The following MPPED2 variants were observed in gnomAD, a reference collection of about 807,000 sequenced individuals.
The protein encoded by MPPED2 is metallophosphoesterase domain containing 2.
A neutral mutation model predicts 33.0 loss-of-function variants in MPPED2; 5 were observed. That is an observed-to-expected ratio of 0.15 (90% CI 0.08 to 0.32). The LOEUF (loss-of-function observed/expected upper bound fraction) is 0.32, where lower values mean the gene tolerates loss of function less well. Among genes scored for constraint, MPPED2 ranks in the 10% least tolerant of loss-of-function variants. The probability of loss-of-function intolerance (pLI) is 1.00; values close to 1 mark genes in which losing one functional copy is unlikely to be tolerated. For missense variants in MPPED2, 275 were observed against 372.1 expected, an observed-to-expected ratio of 0.74 and a Z score of 2.15; for synonymous variants, 136 against 141.9, an observed-to-expected ratio of 0.96 and a Z score of 0.29.
At chr11:30,397,519 T>C (rs1947853404) in intron 6 of MPPED2, among the ~76,000 whole-genome samples, 1 of 152,154 alleles carries the variant, frequency 6.6e-6, no homozygotes, top group Non-Finnish European at 1.5e-5. Flanking sequence ...CTGCTCTAAG[T>C]TCATCGGATT....
chr11:30,580,799 G>C (rs1314685846), intron 1 of MPPED2, among the ~76,000 whole-genome samples: 4 of 152,150 alleles, frequency 2.6e-5, no homozygotes, highest in Non-Finnish European at 5.9e-5. Context: ...CGTTGCCATG[G>C]CATCTGGCTA....
At chr11:30,401,567 C>G (rs969105500) in intron 6 of MPPED2, among the ~76,000 whole-genome samples, 2 of 152,216 alleles carry the variant, frequency 1.3e-5, no homozygotes, top group African/African-American at 2.4e-5. Context: ...TTACCTTTCT[C>G]TGGGTAGCAG....
intron 1 of MPPED2, among the ~76,000 whole-genome samples, chr11:30,585,841 G>A (rs2058555622): frequency 1.3e-5 from 2 of 152,198 alleles, no homozygotes; most frequent in South Asian, 4.1e-4. Flanking sequence ...GGAGGCGCCC[G>A]CTCGTGCGGA....
chr11:30,578,543 C>T (rs1049687382), intron 2 of MPPED2, among the ~76,000 whole-genome samples: 6 of 152,140 alleles, frequency 3.9e-5, no homozygotes, highest in South Asian at 2.1e-4. Context: ...ATTCACAGTT[C>T]GCCAGTGGAA....
At chr11:30,455,253 A>G (rs944408806) in intron 4 of MPPED2, among the ~76,000 whole-genome samples, 6 of 152,310 alleles carry the variant, frequency 3.9e-5, no homozygotes, top group South Asian at 4.1e-4. Flanking sequence ...CAGGCCTGGG[A>G]ACCAGCCTAC....
At chr11:30,487,724 C>G (rs965101924) in intron 4 of MPPED2, among the ~76,000 whole-genome samples, 4 of 152,150 alleles carry the variant, frequency 2.6e-5, no homozygotes, top group African/African-American at 9.7e-5. Context: ...GATCCTCCAA[C>G]CTCAACCTCC....
intron 4 of MPPED2, among the ~76,000 whole-genome samples, chr11:30,428,296 T>G (rs1418422801): frequency 1.3e-5 from 2 of 152,254 alleles, no homozygotes; most frequent in Non-Finnish European, 2.9e-5. Context: ...TATACCACTT[T>G]GCTGCTTACA....
At position 30,411,138 on chromosome 11, in the gene MPPED2, T is replaced by C; in HGVS notation, c.*330A>G. On this transcript the variant is annotated 3_prime_UTR_variant, in exon 7 of 7. Transcript: ENST00000358117. ...ACTGCCTGTTTCTTATTTTTTTTTC[T>C]TTCAGCTTAAAGCATATTAAAATAA... is the stretch of plus-strand genomic sequence containing the variant. 1.0e-6 allele frequency: 1 copy of C among 998,904 alleles called. No individual in the cohort carries two copies. Among genetic ancestry groups the C allele is most frequent in the Non-Finnish European group, 1.2e-6 (1 of 838,456 alleles). 61.9% of individuals were successfully genotyped at this position (998,904 alleles called of 1,614,324 possible). A position where few individuals can be genotyped will look rare whatever the true frequency, so the allele number is the denominator to read the frequency against.
intron 2 of MPPED2, among the ~76,000 whole-genome samples, chr11:30,579,414 G>A (rs1200878347): frequency 6.6e-6 from 1 of 152,128 alleles, no homozygotes; most frequent in East Asian, 1.9e-4. Context: ...CATTGGAAGG[G>A]TCTCATAGAG....
chr11:30,440,881 A>C (rs1482590388), intron 4 of MPPED2, among the ~76,000 whole-genome samples: 2 of 152,148 alleles, frequency 1.3e-5, no homozygotes, highest in Middle Eastern at 3.2e-3. Flanking sequence ...ATGTTTCCCA[A>C]AGTGTGTTCT....
intron 3 of MPPED2, chr11:30,504,610 C>T (rs1406300134): frequency 4.8e-6 from 2 of 416,866 alleles, no homozygotes; most frequent in Admixed American, 6.2e-5. Context: ...TTTGCACTCA[C>T]TTGACTCAGC....
At chr11:30,476,864 A>G (rs1439518554) in intron 4 of MPPED2, among the ~76,000 whole-genome samples, 1 of 152,010 alleles carries the variant, frequency 6.6e-6, no homozygotes, top group East Asian at 1.9e-4. Context: ...CAAACATAAT[A>G]TATCTTCATT....
intron 2 of MPPED2, among the ~76,000 whole-genome samples, chr11:30,563,965 T>G (rs921065116): frequency 6.6e-6 from 1 of 152,226 alleles, no homozygotes; most frequent in African/African-American, 2.4e-5. Flanking sequence ...GCTGATCTTT[T>G]GATCTTTCTC....
intron 3 of MPPED2, among the ~76,000 whole-genome samples, chr11:30,502,918 T>C (rs1434325608): frequency 2.6e-5 from 4 of 152,212 alleles, no homozygotes; most frequent in Admixed American, 2.6e-4. Context: ...TAAATCATTA[T>C]AGAATGAATT....
intron 4 of MPPED2, among the ~76,000 whole-genome samples, chr11:30,469,471 T>C (rs1950856365): frequency 6.6e-6 from 1 of 152,160 alleles, no homozygotes; most frequent in Non-Finnish European, 1.5e-5. Flanking sequence ...TTTTTATAGA[T>C]GAAAAATCTC....
At chr11:30,489,897 A>G (rs973123978) in intron 4 of MPPED2, among the ~76,000 whole-genome samples, 1 of 138,398 alleles carries the variant, frequency 7.2e-6, no homozygotes, top group African/African-American at 2.8e-5. Flanking sequence ...GCTGCTGATC[A>G]ATTAGTATGT....
At position 30,418,851 on chromosome 11, in the gene MPPED2, A is replaced by G. The variant is rs190841544; in HGVS notation, c.537-1218T>C. 1.6e-4 allele frequency among the ~76,000 whole-genome samples: 24 copies of G among 152,356 alleles called. No individual in the cohort carries two copies. In the East Asian group the frequency reaches 4.6e-3, roughly 29 times the overall value. ...ATTTAGAAACACTGACACAGCTTTC[A>G]TTTGGTGGTGGACATGTATAGTCAA... On this transcript the variant is annotated intron_variant, in intron 4 of 6. Transcript: ENST00000358117.
chr11:30,500,905 C>T lies in MPPED2; in HGVS notation c.311-5384G>A, dbSNP rs117392186. Among the ~76,000 whole-genome samples the T allele has an allele frequency of 3.5e-3, 527 of 152,308 alleles. 4 individuals are homozygous for T. The highest frequency in any genetic ancestry group is 7.3e-3 in the Admixed American group (112 of 15,296). On this transcript the variant is annotated intron_variant, in intron 3 of 6. Transcript: ENST00000358117. ...ATAGAATTCCAGGAACTCGGGTTGT[C>T]ATCTTGGGCTATGGTAAGGTTTAAG...
intron 4 of MPPED2, among the ~76,000 whole-genome samples, chr11:30,454,604 T>TA (rs200664920): frequency 0.027 from 4,121 of 152,220 alleles, 93 homozygotes; most frequent in Admixed American, 0.064. Flanking sequence ...CCCTGAAACA[T>TA]AAAAAGCGTT....
Sources: gnomAD v4.1 joint callset for allele counts (sites outside exome capture counted in the v4.1 genomes callset) on GRCh38, gnomAD v4.1.1 for gene constraint, MANE v1.5 for transcripts, NCBI Gene and HGNC (gene_info 2026-07-23, HGNC 2026-07-21) for gene names.